CASD1: variants seen among roughly 807,000 people sequenced by gnomAD.
The protein encoded by CASD1 is CAS1 domain sialic acid O acetyltransferase 1.
In CASD1, 41 loss-of-function variants were observed where a neutral mutation model predicts 100.0. The ratio of observed to expected loss-of-function variants is 0.41; its 90% CI spans 0.32 to 0.53. CASD1 has a LOEUF of 0.53. CASD1 is among the 20% of genes least tolerant of loss of function. CASD1 has a pLI of 0.25. For synonymous variants in CASD1, 321 were observed against 315.6 expected, an observed-to-expected ratio of 1.02 and a Z score of -0.18; for missense variants, 774 against 948.7, an observed-to-expected ratio of 0.82 and a Z score of 2.42.
intron 5 of CASD1, among the ~76,000 whole-genome samples, chr7:94,530,509 G>A (rs1285209205): frequency 2.6e-5 from 4 of 152,074 alleles, no homozygotes; most frequent in Non-Finnish European, 5.9e-5. Context: ...ATACTTCAGG[G>A]TGTATTTTCT....
chr7:94,528,961 T>C (rs1355107447), intron 5 of CASD1, among the ~76,000 whole-genome samples: 1 of 152,146 alleles, frequency 6.6e-6, no homozygotes, highest in Non-Finnish European at 1.5e-5. Flanking sequence ...GATTTTTTTT[T>C]CTTCACAATA....
At chr7:94,570,460 G>T in the CASD1 span, among the ~76,000 whole-genome samples, 1 of 151,888 alleles carries the variant, frequency 6.6e-6, no homozygotes, top group African/African-American at 2.4e-5. Context: ...TTTATGCATC[G>T]TGTGCCCAAT....
chr7:94,629,781 A>AGGACACCTG, the CASD1 span: 2 of 1,611,304 alleles, frequency 1.2e-6, no homozygotes, highest in South Asian at 2.2e-5. Context: ...ATGAACAAAG[A>AGGACACCTG]GGACACCTGC....
intron 10 of CASD1, among the ~76,000 whole-genome samples, chr7:94,539,409 C>T (rs942953785): frequency 6.6e-6 from 1 of 152,088 alleles, no homozygotes; most frequent in Non-Finnish European, 1.5e-5. Flanking sequence ...TGGCTCATGC[C>T]TGTAATCCTA....
the CASD1 span, among the ~76,000 whole-genome samples, chr7:94,595,503 A>G: frequency 6.6e-6 from 1 of 152,130 alleles, no homozygotes; most frequent in African/African-American, 2.4e-5. Flanking sequence ...GATGAAATGC[A>G]TGCCCTTATA....
intron 11 of CASD1, 77 bp downstream of exon 11, chr7:94,544,607 A>G (rs1036960634): frequency 2.1e-6 from 3 of 1,437,914 alleles, no homozygotes; most frequent in African/African-American, 2.9e-5. Context: ...AGAAAAAAAT[A>G]TAAATATAGT....
In CASD1 at chr7:94,556,161, A is replaced by ACTGT. The variant is rs1389448316; in HGVS notation, c.*407_*410dup. ...ATATAACTAAATTTGTGGTAATAAG[A>ACTGT]CTGTCTGCACCTGTATTCATTGTGG... is the stretch of plus-strand genomic sequence containing the variant. On this transcript the variant is annotated 3_prime_UTR_variant, in exon 18 of 18. Coordinates refer to ENST00000297273, the MANE Select transcript of CASD1 (RefSeq NM_022900.5). The ACTGT allele has an allele frequency of 6.0e-6, 1 of 166,152 alleles. No individual in the cohort carries two copies. The highest frequency in any genetic ancestry group is 1.3e-5 in the Non-Finnish European group (1 of 76,608). 10.3% of individuals were successfully genotyped at this position (166,152 alleles called of 1,614,324 possible).
the CASD1 span, chr7:94,598,956 G>C: frequency 6.2e-7 from 1 of 1,612,988 alleles, no homozygotes; most frequent in Non-Finnish European, 8.5e-7. Context: ...TGATGGACCA[G>C]TTGGATGCTA....
chr7:94,585,313 C>CT, the CASD1 span: 1 of 512,324 alleles, frequency 2.0e-6, no homozygotes, highest in African/African-American at 1.9e-5. Context: ...GTCAAAAATG[C>CT]TTTAAGTACA....
At chr7:94,510,264 C>T in intron 1 of CASD1, 47 bp downstream of exon 1, 6 of 1,338,358 alleles carry the variant, frequency 4.5e-6, no homozygotes, top group Non-Finnish European at 5.8e-6. Context: ...GGGGAGGCGG[C>T]GACGCGGCGG....
At chr7:94,559,312 G>GTA (rs1170443009), downstream of CASD1, among the ~76,000 whole-genome samples, 1 of 147,190 alleles carries the variant, frequency 6.8e-6, no homozygotes, top group Non-Finnish European at 1.5e-5. Context: ...GTGTATGTGT[G>GTA]TGTGTGTGTG....
chr7:94,522,395 T>C (rs1476159318), intron 3 of CASD1, among the ~76,000 whole-genome samples: 1 of 152,222 alleles, frequency 6.6e-6, no homozygotes, highest in Non-Finnish European at 1.5e-5. Flanking sequence ...GATTTTAAAC[T>C]TGTAGGCATC....
chr7:94,536,214 G>T (rs370972767), intron 8 of CASD1, among the ~76,000 whole-genome samples: 16 of 152,280 alleles, frequency 1.1e-4, no homozygotes, highest in African/African-American at 3.1e-4. Flanking sequence ...CTGCACTCCA[G>T]CCTGGGTGAC....
At chr7:94,573,222 C>T in the CASD1 span, among the ~76,000 whole-genome samples, 1 of 152,116 alleles carries the variant, frequency 6.6e-6, no homozygotes, top group Non-Finnish European at 1.5e-5. Context: ...TTTTTTGGTT[C>T]CATATGAATT....
intron 5 of CASD1, among the ~76,000 whole-genome samples, chr7:94,530,480 A>AT (rs1794800476): frequency 1.3e-5 from 2 of 152,184 alleles, no homozygotes; most frequent in Non-Finnish European, 1.5e-5. Flanking sequence ...TATTTTATCT[A>AT]TTTTTTAACT....
At chr7:94,539,335 T>G (rs1348062150) in intron 10 of CASD1, among the ~76,000 whole-genome samples, 1 of 152,200 alleles carries the variant, frequency 6.6e-6, no homozygotes, top group African/African-American at 2.4e-5. Context: ...GGGTATTATT[T>G]TATGCCATCT....
intron 10 of CASD1, among the ~76,000 whole-genome samples, chr7:94,541,476 A>G (rs1795391614): frequency 6.7e-6 from 1 of 149,948 alleles, no homozygotes. Flanking sequence ...GAAATGTTGT[A>G]AATTTAATAC....
At chr7:94,596,135 G>A in the CASD1 span, among the ~76,000 whole-genome samples, 1 of 152,092 alleles carries the variant, frequency 6.6e-6, no homozygotes, top group Non-Finnish European at 1.5e-5. Context: ...TATTGCATTT[G>A]CAAATAGAGA....
chr7:94,540,349 G>A (rs1795335837), intron 10 of CASD1, among the ~76,000 whole-genome samples: 1 of 152,132 alleles, frequency 6.6e-6, no homozygotes, highest in Admixed American at 6.5e-5. Flanking sequence ...TGCCCAGAAA[G>A]GAGTATTTTG....
Sources: gnomAD v4.1 joint callset for allele counts (sites outside exome capture counted in the v4.1 genomes callset) on GRCh38, gnomAD v4.1.1 for gene constraint, MANE v1.5 for transcripts, NCBI Gene and HGNC (gene_info 2026-07-23, HGNC 2026-07-21) for gene names.